The following SEPTIN11 variants were observed in gnomAD, a reference collection of about 807,000 sequenced individuals.
SEPTIN11 encodes septin 11, also known as septin-11.
A neutral mutation model predicts 51.4 loss-of-function variants in SEPTIN11; 25 were observed. That is an observed-to-expected ratio of 0.49 (90% CI 0.35 to 0.68). The LOEUF (loss-of-function observed/expected upper bound fraction) is 0.68, where lower values mean the gene tolerates loss of function less well. Among genes scored for constraint, SEPTIN11 ranks in the 30% least tolerant of loss-of-function variants. The probability of loss-of-function intolerance (pLI) is 0.00; values close to 1 mark genes in which losing one functional copy is unlikely to be tolerated. For synonymous variants in SEPTIN11, 174 were observed against 184.1 expected, an observed-to-expected ratio of 0.95 and a Z score of 0.44; for missense variants, 381 against 520.8, an observed-to-expected ratio of 0.73 and a Z score of 2.61.
intron 1 of SEPTIN11, among the ~76,000 whole-genome samples, chr4:76,966,241 GA>G (rs1722030775): frequency 1.3e-5 from 2 of 152,204 alleles, no homozygotes; most frequent in African/African-American, 4.8e-5. Context: ...GTTTTGCAAA[GA>G]ATTCTCTCAT....
chr4:77,005,666 C>G lies in SEPTIN11; in HGVS notation c.208C>G (p.Pro70Ala), dbSNP rs749031947. ...TLFNTKFESD[P>A]ATHNEPGVRL... ...GTTCAACACCAAATTTGAAAGTGAC[C>G]CAGCTACTCACAATGAACCAGGTGT... The change falls in exon 3 of 10, where the codon CCA (proline) becomes GCA (alanine). Residue 70 changes from proline to alanine, a missense_variant. This residue lies in a region of SEPTIN11 where 184 missense variants were observed against 207.7 expected (regional missense o/e 0.89). Transcript: ENST00000264893. 1.2e-6 allele frequency: 2 copies of G among 1,613,884 alleles called. No individual in the cohort carries two copies. The highest frequency in any genetic ancestry group is 2.2e-5 in the South Asian group (2 of 91,054).
At chr4:76,957,037 T>G in intron 1 of SEPTIN11, among the ~76,000 whole-genome samples, 1 of 107,300 alleles carries the variant, frequency 9.3e-6, no homozygotes, top group East Asian at 2.3e-4. Context: ...AGATAAGAGT[T>G]AGGCAGCCAC....
intron 5 of SEPTIN11, among the ~76,000 whole-genome samples, chr4:77,018,259 G>T (rs1216726644): frequency 6.6e-6 from 1 of 152,092 alleles, no homozygotes; most frequent in East Asian, 1.9e-4. Context: ...GACCATCCTG[G>T]CTAACACGGT....
At position 76,987,648 on chromosome 4, in the gene SEPTIN11, G is replaced by A. The variant is rs1413980479; in HGVS notation, c.28-8777G>A. The stretch of plus-strand genomic sequence containing the variant: ...TACTTTCTAGAATGCAGTCAGATAA[G>A]AGTGTGTATCTACAGAAATGATTAA... On this transcript the variant is annotated intron_variant, in intron 1 of 9. Coordinates refer to ENST00000264893, the MANE Select transcript of SEPTIN11 (RefSeq NM_018243.4). 2.0e-5 allele frequency: 3 copies of A among 152,392 alleles called. No homozygotes were observed. The East Asian group carries it at 5.8e-4, about 29-fold the overall frequency. 9.4% of individuals were successfully genotyped at this position (152,392 alleles called of 1,614,324 possible). A position where few individuals can be genotyped will look rare whatever the true frequency, so the allele number is the denominator to read the frequency against.
intron 3 of SEPTIN11, among the ~76,000 whole-genome samples, chr4:77,007,660 A>C (rs1042661345): frequency 6.6e-6 from 1 of 152,322 alleles, no homozygotes; most frequent in Admixed American, 6.5e-5. Context: ...GGAGATTTAG[A>C]AGAGAGGAAG....
intron 9 of SEPTIN11, chr4:77,032,129 A>C (rs1726692391): frequency 1.3e-5 from 2 of 152,222 alleles, no homozygotes; most frequent in African/African-American, 2.4e-5. Context: ...TGTTGCCTGC[A>C]GTAAAAATAA....
At chr4:77,018,837 T>C (rs572251482) in intron 5 of SEPTIN11, among the ~76,000 whole-genome samples, 11 of 152,354 alleles carry the variant, frequency 7.2e-5, no homozygotes, top group African/African-American at 2.4e-4. Flanking sequence ...AAAAGTTAGA[T>C]ATTCAATTTC....
At chr4:77,025,685 T>C (rs562035171) in intron 7 of SEPTIN11, among the ~76,000 whole-genome samples, 2 of 152,318 alleles carry the variant, frequency 1.3e-5, no homozygotes, top group African/African-American at 4.8e-5. Context: ...GCAGAGGGGC[T>C]GGGAATCTGA....
intron 3 of SEPTIN11, among the ~76,000 whole-genome samples, chr4:77,008,678 T>G (rs962301853): frequency 2.0e-5 from 3 of 152,132 alleles, no homozygotes; most frequent in Admixed American, 6.6e-5. Context: ...TCTGTCATTT[T>G]TGTGTGTGTG....
At position 77,036,338 on chromosome 4, in the gene SEPTIN11, T is replaced by A; in HGVS notation, c.*1826T>A. On this transcript the variant is annotated 3_prime_UTR_variant, in exon 10 of 10. Transcript: ENST00000264893. The stretch of plus-strand genomic sequence containing the variant: ...TGGAGCAGCCAAATAGTAGCTGGCA[T>A]GTTGATTCAAACCATGGGCTGAATT... 9.6e-7 allele frequency: 1 copy of A among 1,040,682 alleles called. No individual in the cohort carries two copies. Among genetic ancestry groups the A allele is most frequent in the South Asian group, 3.2e-5 (1 of 31,328 alleles). The allele number at this position is 1,040,682 out of a possible 1,614,324, so 64.5% of individuals were successfully genotyped here. A position where few individuals can be genotyped will look rare whatever the true frequency, so the allele number is the denominator to read the frequency against.
chr4:76,976,152 TAAAG>T (rs1722489890), intron 1 of SEPTIN11, among the ~76,000 whole-genome samples: 1 of 152,222 alleles, frequency 6.6e-6, no homozygotes, highest in Non-Finnish European at 1.5e-5. Flanking sequence ...CTTATATACT[TAAAG>T]AAACCTCTGG....
intron 1 of SEPTIN11, among the ~76,000 whole-genome samples, chr4:76,962,715 G>C (rs1465846655): frequency 6.6e-6 from 1 of 152,146 alleles, no homozygotes; most frequent in Non-Finnish European, 1.5e-5. Context: ...TCTTATGTTA[G>C]TCCAGAATAA....
intron 5 of SEPTIN11, among the ~76,000 whole-genome samples, chr4:77,018,040 C>T (rs2703154): frequency 0.46 from 70,502 of 152,060 alleles, 17,015 homozygotes; most frequent in Non-Finnish European, 0.55. Flanking sequence ...TTAAAATTTT[C>T]TAGTAGCTAC....
intron 1 of SEPTIN11, among the ~76,000 whole-genome samples, chr4:76,969,554 C>T (rs1722159102): frequency 6.6e-6 from 1 of 152,088 alleles, no homozygotes; most frequent in Non-Finnish European, 1.5e-5. Context: ...AAATCTTTGA[C>T]TTTGGGCATC....
At chr4:77,010,694 T>G (rs1030862660) in intron 3 of SEPTIN11, among the ~76,000 whole-genome samples, 1 of 152,224 alleles carries the variant, frequency 6.6e-6, no homozygotes, top group South Asian at 2.1e-4. Flanking sequence ...GTTTAACTTA[T>G]GGGTATGGGA....
At chr4:76,994,208 C>T (rs1351424316) in intron 1 of SEPTIN11, among the ~76,000 whole-genome samples, 4 of 152,180 alleles carry the variant, frequency 2.6e-5, no homozygotes, top group Non-Finnish European at 4.4e-5. Flanking sequence ...CATGGCTTCT[C>T]CTAGCCTGAT....
Position 77,035,887 on chromosome 4 carries a change from C to A in SEPTIN11, c.*1375C>A, listed in dbSNP as rs774188600. 36 of 985,900 alleles carry A rather than the reference C, an allele frequency of 3.7e-5. No individual in the cohort carries two copies. Among genetic ancestry groups the A allele is most frequent in the Non-Finnish European group, 4.1e-5 (34 of 829,936 alleles). The allele number at this position is 985,900 out of a possible 1,614,324, so 61.1% of individuals were successfully genotyped here. ...GTGATTGTTTTTTCCCCTCTACTAA[C>A]AAGATCCTCCCAGCTTTCTCTCTAC... On this transcript the variant is annotated 3_prime_UTR_variant, in exon 10 of 10. Coordinates refer to ENST00000264893, the MANE Select transcript of SEPTIN11 (RefSeq NM_018243.4).
At chr4:77,014,487 T>A (rs1297710734) in intron 4 of SEPTIN11, among the ~76,000 whole-genome samples, 1 of 152,128 alleles carries the variant, frequency 6.6e-6, no homozygotes, top group African/African-American at 2.4e-5. Context: ...AGAGTAACAC[T>A]TCCTTTACTC....
intron 3 of SEPTIN11, among the ~76,000 whole-genome samples, 184 bp from the exon 4 acceptor site, chr4:77,011,551 C>T (rs1327437555): frequency 2.6e-5 from 4 of 151,666 alleles, no homozygotes; most frequent in East Asian, 1.9e-4. Context: ...AATGATTGGG[C>T]GTGGCTGGGA....
Sources: allele counts gnomAD v4.1 joint callset (sites outside exome capture counted in the v4.1 genomes callset), GRCh38; gene constraint gnomAD v4.1.1; regional missense constraint gnomAD v4.1.1; transcripts MANE v1.5; gene names NCBI Gene and HGNC (gene_info 2026-07-23, HGNC 2026-07-21).